The following TTR variants were observed in gnomAD, a reference collection of about 807,000 sequenced individuals.
The protein encoded by TTR is transthyretin, also known as epididymis luminal protein 111.
A neutral mutation model predicts 13.7 loss-of-function variants in TTR; 8 were observed. That is an observed-to-expected ratio of 0.58 (90% confidence interval 0.34 to 1.05). TTR has a LOEUF of 1.05. Among genes scored for constraint, TTR ranks in the 50% least tolerant of loss-of-function variants. The pLI is 0.02. For missense variants in TTR, 135 were observed against 185.5 expected (o/e 0.73, Z 1.58); for synonymous variants, 75 against 71.7 (o/e 1.05, Z -0.23).
chr18:31,591,938 T>C lies in TTR; in HGVS notation c.36T>C (p.Ala12=). The C allele has an allele frequency of 1.2e-6, 2 of 1,614,200 alleles. No homozygotes were observed. Among genetic ancestry groups the C allele is most frequent in the African/African-American group, 1.3e-5 (1 of 75,048 alleles). The change falls in exon 1 of 4, where the codon GCT becomes GCC. Residue 12 remains alanine (A), a synonymous_variant. Coordinates refer to ENST00000237014, the MANE Select transcript of TTR (RefSeq NM_000371.4). ...ATCGTCTGCTCCTCCTCTGCCTTGCTGGACTGGTATTTGTGTCTGAGGCTG... is the reference window on the plus strand; with the variant it reads ...ATCGTCTGCTCCTCCTCTGCCTTGCCGGACTGGTATTTGTGTCTGAGGCTG... The part of the protein sequence containing the change: ...ASHRLLLLCL[A]GLVFVSEAGP...
chr18:31,598,395 A>G (rs982938100), intron 3 of TTR, 173 bp from the exon 4 acceptor site: 1 of 740,940 alleles, frequency 1.3e-6, no homozygotes, highest in Admixed American at 2.0e-5. Context: ...CATGGTTCCA[A>G]AGGCTTAGCT....
chr18:31,592,711 C>G (rs2073491936), intron 1 of TTR, among the ~76,000 whole-genome samples, 185 bp from the exon 2 acceptor site: 1 of 152,178 alleles, frequency 6.6e-6, no homozygotes, highest in African/African-American at 2.4e-5. Flanking sequence ...ACCATTCTTG[C>G]TTTGGAAACA....
chr18:31,597,605 C>T (rs2073523425), intron 3 of TTR, among the ~76,000 whole-genome samples: 1 of 152,104 alleles, frequency 6.6e-6, no homozygotes, highest in African/African-American at 2.4e-5. Context: ...TTTCTTTTTC[C>T]CATATTTAGA....
intron 2 of TTR, among the ~76,000 whole-genome samples, chr18:31,593,734 C>G (rs528463756): frequency 2.5e-4 from 38 of 152,248 alleles, no homozygotes; most frequent in African/African-American, 8.7e-4. Context: ...TGGCTTCTCA[C>G]CTTCATTAGC....
At chr18:31,596,261 T>C (rs1037660725) in intron 3 of TTR, 3 of 154,422 alleles carry the variant, frequency 1.9e-5, no homozygotes, top group African/African-American at 7.2e-5. Context: ...GGCTTAGTCA[T>C]GGATGAGACT....
chr18:31,593,941 A>T (rs1436446079), intron 2 of TTR, among the ~76,000 whole-genome samples: 1 of 152,238 alleles, frequency 6.6e-6, no homozygotes, highest in Non-Finnish European at 1.5e-5. Flanking sequence ...AACCCCAAGA[A>T]CCACATGATT....
rs778483568 is a variant in TTR at position 31,592,942 on chromosome 18, C to CAG, written c.116_117insAG (p.Arg41SerfsTer46). On this transcript the variant is annotated frameshift_variant, in exon 2 of 4. Coordinates refer to ENST00000237014, the MANE Select transcript of TTR (RefSeq NM_000371.4). LOFTEE classifies it high-confidence loss of function. Reference sequence around the variant, plus strand: ...CCTCTGATGGTCAAAGTTCTAGATGCTGTCCGAGGCAGTCCTGCCATCAAT... The same window carrying CAG: ...CCTCTGATGGTCAAAGTTCTAGATGCAGTGTCCGAGGCAGTCCTGCCATCAAT... 4.3e-6 allele frequency: 7 copies of CAG among 1,614,124 alleles called. No homozygotes were observed. Among genetic ancestry groups the CAG allele is most frequent in the Non-Finnish European group, 5.9e-6 (7 of 1,179,992 alleles).
At position 31,595,154 on chromosome 18, in the gene TTR, A is replaced by G. The variant is rs770389488; in HGVS notation, c.235A>G (p.Thr79Ala). 48 of 1,614,078 alleles carry G rather than the reference A, an allele frequency of 3.0e-5. No individual in the cohort carries two copies. In the Admixed American group the frequency reaches 5.3e-4, roughly 18 times the overall value. ...TGAGTCTGGAGAGCTGCATGGGCTC[A>G]CAACTGAGGAGGAATTTGTAGAAGG... ...TSESGELHGLTTEEEFVEGIY... is the reference protein window; with the variant it reads ...TSESGELHGLATEEEFVEGIY... The change falls in exon 3 of 4, where the codon ACA becomes GCA. Residue 79 changes from threonine to alanine, a missense_variant. Thr to Ala is a moderately conservative substitution (Grantham distance 58). Coordinates refer to ENST00000237014, the MANE Select transcript of TTR (RefSeq NM_000371.4).
At chr18:31,592,180 A>G (rs7231173) in intron 1 of TTR, among the ~76,000 whole-genome samples, 4,355 of 152,252 alleles carry the variant, frequency 0.029, 213 homozygotes, top group African/African-American at 0.1. Flanking sequence ...ATTCTACCTC[A>G]TTGCTTTGGT....
At chr18:31,598,379 A>G in intron 3 of TTR, 189 bp from the exon 4 acceptor site, 1 of 707,768 alleles carries the variant, frequency 1.4e-6, no homozygotes, top group Non-Finnish European at 2.5e-6. Flanking sequence ...TGCTCTAAGG[A>G]CTGTGCATGG....
At position 31,592,947 on chromosome 18, in the gene TTR, C is replaced by A. The variant is rs1004021945; in HGVS notation, c.121C>A (p.Arg41=). ...PLMVKVLDAV[R]GSPAINVAVH... is the part of the protein sequence containing the mutation. ...GATGGTCAAAGTTCTAGATGCTGTC[C>A]GAGGCAGTCCTGCCATCAATGTGGC... is the stretch of plus-strand genomic sequence containing the variant. Residue 41 remains arginine, a synonymous_variant, in exon 2 of 4, where the codon CGA becomes AGA. Transcript: ENST00000237014. 5 of 1,613,914 alleles carry A rather than the reference C, an allele frequency of 3.1e-6. No individual in the cohort carries two copies. Among genetic ancestry groups the A allele is most frequent in the African/African-American group, 1.3e-5 (1 of 74,874 alleles).
intron 3 of TTR, 154 bp downstream of exon 3, chr18:31,595,409 C>A: frequency 9.4e-7 from 1 of 1,069,284 alleles, no homozygotes; most frequent in Non-Finnish European, 1.4e-6. Context: ...AGAAAAAATT[C>A]ACAACACTCT....
At chr18:31,592,535 A>T (rs2073491218) in intron 1 of TTR, among the ~76,000 whole-genome samples, 1 of 152,180 alleles carries the variant, frequency 6.6e-6, no homozygotes, top group Admixed American at 6.5e-5. Flanking sequence ...AACTAAAATG[A>T]TCTCAGGAAA....
At chr18:31,597,038 A>G (rs1423708340) in intron 3 of TTR, 1 of 152,040 alleles carries the variant, frequency 6.6e-6, no homozygotes, top group African/African-American at 2.4e-5. Flanking sequence ...TCTTCACTTC[A>G]TGGATTTTTT....
Position 31,592,009 on chromosome 18 carries a change from A to G in TTR, c.69+38A>G, listed in dbSNP as rs539623542. ...GTGACATCCCATTCCTACATTTAAG[A>G]TTCACGCTAAATGAAGTAGAAGTGA... On this transcript the variant is annotated intron_variant, in intron 1 of 3. Coordinates refer to ENST00000237014, the MANE Select transcript of TTR (RefSeq NM_000371.4). 1.6e-4 allele frequency: 262 copies of G among 1,607,548 alleles called. 4 individuals are homozygous for G. In the South Asian group the frequency reaches 2.3e-3, roughly 14 times the overall value.
chr18:31,598,702 G>T lies in TTR; in HGVS notation c.*27G>T, dbSNP rs1301021195. The T allele has an allele frequency of 1.2e-6, 2 of 1,609,592 alleles. No individual in the cohort carries two copies. Among genetic ancestry groups the T allele is most frequent in the Non-Finnish European group, 1.7e-6 (2 of 1,176,014 alleles). On this transcript the variant is annotated 3_prime_UTR_variant, in exon 4 of 4. Transcript: ENST00000237014. Reference sequence around the variant, plus strand: ...GGACTTCTCCTCCAGTGGACCTGAAGGACGAGGGATGGGATTTCATGTAAC... The same window carrying T: ...GGACTTCTCCTCCAGTGGACCTGAATGACGAGGGATGGGATTTCATGTAAC...
intron 2 of TTR, among the ~76,000 whole-genome samples, chr18:31,594,068 A>G (rs566815910): frequency 6.6e-6 from 1 of 152,318 alleles, no homozygotes; most frequent in East Asian, 1.9e-4. Context: ...TGGTTACAGG[A>G]CTATTCTAAG....
chr18:31,598,653 T>C lies in TTR; in HGVS notation c.422T>C (p.Val141Ala). 6.2e-7 allele frequency: 1 copy of C among 1,614,190 alleles called. No homozygotes were observed. The highest frequency in any genetic ancestry group is 1.1e-5 in the South Asian group (1 of 91,082). Residue 141 changes from valine (V) to alanine (A), a missense_variant, in exon 4 of 4, where the codon GTC becomes GCC. Physicochemically the swap from Val to Ala is moderately conservative, Grantham distance 64. Transcript: ENST00000237014. ...CCCTACTCCTATTCCACCACGGCTG[T>C]CGTCACCAATCCCAAGGAATGAGGG... ...LSPYSYSTTAVVTNPKE is the reference protein window; with the variant it reads ...LSPYSYSTTAAVTNPKE
At chr18:31,593,438 G>C in intron 2 of TTR, 1 of 254,468 alleles carries the variant, frequency 3.9e-6, no homozygotes, top group Non-Finnish European at 7.7e-6. Flanking sequence ...TAACACCAAA[G>C]CTAAGTGTCC....
Sources: allele counts gnomAD v4.1 joint callset (sites outside exome capture counted in the v4.1 genomes callset), GRCh38; gene constraint gnomAD v4.1.1; transcripts MANE v1.5; gene names NCBI Gene and HGNC (gene_info 2026-07-23, HGNC 2026-07-21).